The following MITF variants were observed in gnomAD, a reference collection of about 807,000 sequenced individuals.
MITF encodes melanocyte inducing transcription factor.
In MITF, 17 loss-of-function variants were observed where a neutral mutation model predicts 60.5. The observed-to-expected ratio is 0.28, with a 90% CI of 0.19 to 0.42. The LOEUF (loss-of-function observed/expected upper bound fraction) is 0.42. MITF is among the 10% of genes least tolerant of loss of function. The pLI, the probability that MITF is intolerant of heterozygous loss-of-function variation, is 1.00. For synonymous variants in MITF, 260 were observed against 248.5 expected, an observed-to-expected ratio of 1.05 and a Z score of -0.43; for missense variants, 622 against 683.5, an observed-to-expected ratio of 0.91 and a Z score of 1.00.
chr3:69,853,863 CTT>C (rs571942610), intron 1 of MITF, among the ~76,000 whole-genome samples: 42 of 135,542 alleles, frequency 3.1e-4, no homozygotes, highest in Admixed American at 6.0e-4. Context: ...TCTCTTTCGT[CTT>C]TTTTTTTTTT....
At chr3:69,764,390 T>C (rs1575679300) in intron 1 of MITF, among the ~76,000 whole-genome samples, 1 of 152,202 alleles carries the variant, frequency 6.6e-6, no homozygotes, top group East Asian at 1.9e-4. Flanking sequence ...CTGGTGGGGA[T>C]TAACAGAAAT....
chr3:69,947,152 A>T (rs138289182), intron 5 of MITF, among the ~76,000 whole-genome samples: 26 of 152,340 alleles, frequency 1.7e-4, no homozygotes, highest in Admixed American at 1.4e-3. Context: ...CAATTTGCCT[A>T]TGAAAACCAT....
chr3:69,823,422 A>G (rs2063307728), intron 1 of MITF, among the ~76,000 whole-genome samples: 1 of 152,126 alleles, frequency 6.6e-6, no homozygotes, highest in Non-Finnish European at 1.5e-5. Flanking sequence ...TGTCTGGCAG[A>G]TGGCTGCTTT....
intron 1 of MITF, among the ~76,000 whole-genome samples, chr3:69,843,335 A>G (rs1267925900): frequency 6.6e-6 from 1 of 152,226 alleles, no homozygotes; most frequent in African/African-American, 2.4e-5. Flanking sequence ...TGGTTATAAA[A>G]TAGTTCAGGG....
At chr3:69,763,561 A>G in intron 1 of MITF, 1 of 1,150,718 alleles carries the variant, frequency 8.7e-7, no homozygotes, top group Non-Finnish European at 1.1e-6. Flanking sequence ...TCTCTAATTT[A>G]GCCTTCCTAG....
chr3:69,785,384 C>G (rs2062631697), intron 1 of MITF, among the ~76,000 whole-genome samples: 1 of 152,164 alleles, frequency 6.6e-6, no homozygotes, highest in Non-Finnish European at 1.5e-5. Context: ...TCATTTAAAT[C>G]AGAACAATCC....
At chr3:69,948,912 A>G (rs1159657502) in intron 5 of MITF, 139 bp from the exon 6 acceptor site, 11 of 695,392 alleles carry the variant, frequency 1.6e-5, no homozygotes, top group Non-Finnish European at 2.8e-5. Context: ...TAAACATCTC[A>G]TATTTTCCTA....
chr3:69,741,924 T>C (rs1291396673), intron 1 of MITF, among the ~76,000 whole-genome samples: 2 of 152,186 alleles, frequency 1.3e-5, no homozygotes, highest in South Asian at 2.1e-4. Flanking sequence ...CTTACAAGTC[T>C]TTGTCGGAAA....
chr3:69,881,232 C>T (rs1252825935), intron 2 of MITF, among the ~76,000 whole-genome samples: 4 of 152,094 alleles, frequency 2.6e-5, no homozygotes, highest in Non-Finnish European at 4.4e-5. Context: ...TAAATTGTTA[C>T]AGCTGGACGA....
intron 1 of MITF, among the ~76,000 whole-genome samples, chr3:69,800,582 T>A (rs1334697264): frequency 3.3e-5 from 5 of 152,142 alleles, no homozygotes; most frequent in Non-Finnish European, 7.4e-5. Flanking sequence ...CAGCAATGTG[T>A]CAGGGTGCCA....
rs1355167568 is a variant in MITF at position 69,966,955 on chromosome 3, A to T, written c.*1707A>T. ...GTAGCATGGTGCCTATGTAGACAAT[A>T]TAAGAGCTTCCAATTTTCCTTCAGA... is the stretch of plus-strand genomic sequence containing the variant. On this transcript the variant is annotated 3_prime_UTR_variant, in exon 10 of 10. Transcript: ENST00000352241. 4.3e-6 allele frequency: 1 copy of T among 232,404 alleles called. No individual in the cohort carries two copies. The highest frequency in any genetic ancestry group is 5.6e-5 in the Admixed American group (1 of 17,722). The allele number at this position is 232,404 out of a possible 1,614,324, so 14.4% of individuals were successfully genotyped here. A position where few individuals can be genotyped will look rare whatever the true frequency, so the allele number is the denominator to read the frequency against.
intron 1 of MITF, among the ~76,000 whole-genome samples, chr3:69,849,947 G>C (rs2063797586): frequency 6.6e-6 from 1 of 152,160 alleles, no homozygotes; most frequent in Non-Finnish European, 1.5e-5. Context: ...TGCAGTTTGT[G>C]GTCAGCTAGT....
chr3:69,767,688 A>G (rs942401421), intron 1 of MITF, among the ~76,000 whole-genome samples: 2 of 152,174 alleles, frequency 1.3e-5, no homozygotes, highest in Non-Finnish European at 2.9e-5. Context: ...GGTGCAGCAT[A>G]GTGTGGCACT....
In MITF at chr3:69,739,620, T is replaced by C; in HGVS notation, c.23T>C (p.Val8Ala). Residue 8 changes from valine (V) to alanine (A), a missense_variant, in exon 1 of 10, where the codon GTG becomes GCG. Physicochemically the swap from Val to Ala is moderately conservative, Grantham distance 64 (BLOSUM62 0). This residue lies in a region of MITF where 149 missense variants were observed against 157.8 expected (regional missense o/e 0.94). Coordinates refer to ENST00000352241, the MANE Select transcript of MITF (RefSeq NM_001354604.2). MQSESGIVPDFEVGEEFH... is the reference protein window; with the variant it reads MQSESGIAPDFEVGEEFH... Reference sequence around the variant, plus strand: ...GCCATGCAGTCCGAATCGGGGATCGTGCCGGATTTCGAAGTCGGGGAGGAG... The same window carrying C: ...GCCATGCAGTCCGAATCGGGGATCGCGCCGGATTTCGAAGTCGGGGAGGAG... 6.3e-7 allele frequency: 1 copy of C among 1,580,570 alleles called. No homozygotes were observed.
chr3:69,766,376 A>ATTTTTTTTT (rs753953309), intron 1 of MITF, among the ~76,000 whole-genome samples: 1 of 95,140 alleles, frequency 1.1e-5, no homozygotes, highest in African/African-American at 4.5e-5. Context: ...TGCCCAGCTA[A>ATTTTTTTTT]TTTTTTTTTT....
intron 2 of MITF, among the ~76,000 whole-genome samples, chr3:69,897,178 A>G (rs1477587392): frequency 6.6e-6 from 1 of 152,128 alleles, no homozygotes; most frequent in Non-Finnish European, 1.5e-5. Context: ...TCCTTTTAGG[A>G]AAGAAGAAGG....
intron 9 of MITF, among the ~76,000 whole-genome samples, chr3:69,960,663 G>T (rs1027430085): frequency 6.6e-6 from 1 of 152,158 alleles, no homozygotes; most frequent in Non-Finnish European, 1.5e-5. Flanking sequence ...CATAAAGCAA[G>T]GGTTGTCTTT....
intron 1 of MITF, among the ~76,000 whole-genome samples, chr3:69,751,180 C>A (rs1703922496): frequency 6.6e-6 from 1 of 152,226 alleles, no homozygotes; most frequent in Non-Finnish European, 1.5e-5. Context: ...GGCATGTCCA[C>A]ATGACCAAAC....
intron 1 of MITF, among the ~76,000 whole-genome samples, chr3:69,871,860 T>G (rs1399470328): frequency 6.6e-6 from 1 of 152,218 alleles, no homozygotes; most frequent in Non-Finnish European, 1.5e-5. Context: ...TTTGTCATTG[T>G]GTTAGATTTT....
Sources: allele counts gnomAD v4.1 joint callset (sites outside exome capture counted in the v4.1 genomes callset), GRCh38; gene constraint gnomAD v4.1.1; regional missense constraint gnomAD v4.1.1; transcripts MANE v1.5; gene names NCBI Gene and HGNC (gene_info 2026-07-23, HGNC 2026-07-21).